Variants in CSMD1 observed in about 807,000 individuals in gnomAD.
CSMD1 encodes the protein CUB and sushi domain-containing protein 1.
A neutral mutation model predicts 417.5 loss-of-function variants in CSMD1; 213 were observed. That is an observed-to-expected ratio of 0.51 (90% CI 0.46 to 0.57). The LOEUF is 0.57. Ranked by LOEUF, CSMD1 falls within the 20% of genes least tolerant of loss-of-function variation. The pLI is 0.00. For missense variants in CSMD1, 6,923 were observed against 4,529.7 expected (o/e 1.53, Z -15.17); for synonymous variants, 2,862 against 1,736.8 (o/e 1.65, Z -16.11).
chr8:3,564,867 C>T (rs893700119), intron 10 of CSMD1, among the ~76,000 whole-genome samples: 6 of 151,594 alleles, frequency 4.0e-5, no homozygotes, highest in African/African-American at 7.3e-5. Flanking sequence ...GCAGCAGTAA[C>T]GGGTAAGTCA....
intron 3 of CSMD1, among the ~76,000 whole-genome samples, chr8:4,313,554 G>T (rs574949401): frequency 6.6e-6 from 1 of 150,434 alleles, no homozygotes; most frequent in African/African-American, 2.4e-5. Context: ...GAGGAAATAC[G>T]TGTTATGGGA....
intron 38 of CSMD1, among the ~76,000 whole-genome samples, chr8:3,161,008 A>G (rs1384702290): frequency 1.3e-5 from 2 of 152,196 alleles, no homozygotes; most frequent in African/African-American, 4.8e-5. Context: ...TAGCTAAACA[A>G]TTTTCCTTTA....
chr8:3,281,419 G>A (rs552658325), intron 26 of CSMD1, among the ~76,000 whole-genome samples: 1 of 152,106 alleles, frequency 6.6e-6, no homozygotes, highest in African/African-American at 2.4e-5. Flanking sequence ...ACTCCAGCCT[G>A]GGCGACAAAG....
chr8:4,367,952 C>A (rs1309246057), intron 3 of CSMD1, among the ~76,000 whole-genome samples: 1 of 152,102 alleles, frequency 6.6e-6, no homozygotes, highest in South Asian at 2.1e-4. Context: ...AGCCTTCTGG[C>A]AGGCTTTATG....
intron 1 of CSMD1, among the ~76,000 whole-genome samples, chr8:4,733,446 G>C (rs1046884828): frequency 6.6e-6 from 1 of 152,114 alleles, no homozygotes; most frequent in Non-Finnish European, 1.5e-5. Flanking sequence ...GGTAGGTGTC[G>C]GAGAAGGAGC....
chr8:3,015,360 G>C (rs1184672978), intron 52 of CSMD1, among the ~76,000 whole-genome samples: 1 of 152,022 alleles, frequency 6.6e-6, no homozygotes, highest in Non-Finnish European at 1.5e-5. Context: ...CTGTTTGTTT[G>C]GGTAATTTCC....
chr8:4,951,492 C>G (rs1808742782), intron 1 of CSMD1, among the ~76,000 whole-genome samples: 1 of 129,604 alleles, frequency 7.7e-6, no homozygotes, highest in Admixed American at 8.4e-5. Context: ...GGAAACAGAA[C>G]AGGGAAAGGG....
rs149912552 is a variant in CSMD1, at chr8:3,851,633, A to T, written c.819-97591T>A. 2.6e-5 allele frequency among the ~76,000 whole-genome samples: 4 copies of T among 152,330 alleles called. No individual in the cohort carries two copies. In the East Asian group the frequency reaches 7.7e-4, roughly 29 times the overall value. On this transcript the variant is annotated intron_variant, in intron 5 of 69. Coordinates refer to ENST00000635120, the MANE Select transcript of CSMD1 (RefSeq NM_033225.6). ...ACTGGAGAAAAAAACATCCATTGCT[A>T]ACTTAAGCTTTAGGTGATAGACAAT...
intron 4 of CSMD1, among the ~76,000 whole-genome samples, chr8:4,007,657 A>G (rs1816231946): frequency 6.6e-6 from 1 of 151,848 alleles, no homozygotes; most frequent in African/African-American, 2.4e-5. Context: ...AGGCGGCCTG[A>G]TAGAAGTATT....
chr8:2,981,491 C>A (rs578249397), intron 54 of CSMD1, among the ~76,000 whole-genome samples: 1 of 152,292 alleles, frequency 6.6e-6, no homozygotes, highest in African/African-American at 2.4e-5. Context: ...TAAAGAGGCT[C>A]ACTCTAGACG....
At chr8:4,615,528 T>C (rs960472863) in intron 2 of CSMD1, among the ~76,000 whole-genome samples, 1 of 152,194 alleles carries the variant, frequency 6.6e-6, no homozygotes, top group Non-Finnish European at 1.5e-5. Flanking sequence ...AGGAAAAATA[T>C]TGCATATTTA....
At chr8:4,823,566 G>A (rs564052755) in intron 1 of CSMD1, among the ~76,000 whole-genome samples, 34 of 152,140 alleles carry the variant, frequency 2.2e-4, no homozygotes, top group Admixed American at 2.0e-3. Flanking sequence ...TAGTATATGA[G>A]CCCAGTACAC....
intron 10 of CSMD1, among the ~76,000 whole-genome samples, chr8:3,522,450 G>C (rs554040016): frequency 1.0e-3 from 155 of 152,306 alleles, no homozygotes; most frequent in African/African-American, 3.7e-3. Context: ...TCCAGGCAAA[G>C]AGACAGCTGC....
chr8:4,032,134 G>A, intron 3 of CSMD1, 35 bp from the exon 4 acceptor site: 1 of 1,536,438 alleles, frequency 6.5e-7, no homozygotes. Context: ...GAAAAAACAA[G>A]TTAAATTTTC....
intron 10 of CSMD1, among the ~76,000 whole-genome samples, chr8:3,504,593 G>T (rs895715399): frequency 6.6e-6 from 1 of 152,240 alleles, no homozygotes; most frequent in Admixed American, 6.5e-5. Context: ...CAAATCTCAC[G>T]AGTCTTTATA....
At chr8:3,391,877 A>G (rs1210917309) in intron 17 of CSMD1, among the ~76,000 whole-genome samples, 1 of 152,184 alleles carries the variant, frequency 6.6e-6, no homozygotes, top group African/African-American at 2.4e-5. Context: ...TATAATGTGA[A>G]ACATGTATGA....
chr8:4,383,932 A>G (rs1321042805), intron 3 of CSMD1, among the ~76,000 whole-genome samples: 1 of 152,212 alleles, frequency 6.6e-6, no homozygotes, highest in Non-Finnish European at 1.5e-5. Context: ...TACCGTGAAG[A>G]AAAATGCGTT....
intron 1 of CSMD1, among the ~76,000 whole-genome samples, chr8:4,935,152 G>A (rs917223117): frequency 1.3e-5 from 2 of 152,224 alleles, no homozygotes; most frequent in Admixed American, 6.5e-5. Context: ...TCAGTCACAG[G>A]TGAGGATTTT....
At chr8:4,330,150 C>T (rs989641335) in intron 3 of CSMD1, among the ~76,000 whole-genome samples, 4 of 151,432 alleles carry the variant, frequency 2.6e-5, no homozygotes, top group Admixed American at 2.0e-4. Context: ...GAGTAGTATC[C>T]CAACAAATAT....
Sources: gnomAD v4.1 joint callset for allele counts (sites outside exome capture counted in the v4.1 genomes callset) on GRCh38, gnomAD v4.1.1 for gene constraint, MANE v1.5 for transcripts, NCBI Gene and HGNC (gene_info 2026-07-23, HGNC 2026-07-21) for gene names.